TMEM132B: variants seen among roughly 807,000 people sequenced by gnomAD.
The protein encoded by TMEM132B is transmembrane protein 132B.
TMEM132B carries 18 observed loss-of-function variants against 90.8 expected under a neutral mutation model. That is an observed-to-expected ratio of 0.20 (90% confidence interval 0.14 to 0.29). The LOEUF is 0.29. Among genes scored for constraint, TMEM132B ranks in the 10% least tolerant of loss-of-function variants. The pLI, the probability that TMEM132B is intolerant of heterozygous loss-of-function variation, is 1.00. For synonymous variants in TMEM132B, 504 were observed against 523.3 expected, an observed-to-expected ratio of 0.96 and a Z score of 0.50; for missense variants, 1,096 against 1,326.8, an observed-to-expected ratio of 0.83 and a Z score of 2.70.
chr12:125,195,002 C>G (rs1872893457), intron 1 of TMEM132B, among the ~76,000 whole-genome samples: 1 of 152,066 alleles, frequency 6.6e-6, no homozygotes, highest in African/African-American at 2.4e-5. Context: ...TGTTTTTTCT[C>G]AAGAAATTGG....
At chr12:125,559,297 C>T (rs777162060) in intron 4 of TMEM132B, among the ~76,000 whole-genome samples, 13 of 152,210 alleles carry the variant, frequency 8.5e-5, no homozygotes, top group Admixed American at 3.3e-4. Context: ...CCCAGGAAGT[C>T]GAGGCTGCAG....
At chr12:125,483,321 A>G (rs1456445783) in intron 3 of TMEM132B, among the ~76,000 whole-genome samples, 1 of 152,228 alleles carries the variant, frequency 6.6e-6, no homozygotes, top group East Asian at 1.9e-4. Context: ...AAGATTTATT[A>G]GTATTATGCT....
intron 3 of TMEM132B, among the ~76,000 whole-genome samples, chr12:125,501,261 G>T (rs149500969): frequency 1.3e-5 from 2 of 152,322 alleles, no homozygotes; most frequent in African/African-American, 4.8e-5. Flanking sequence ...TTTAGTATAT[G>T]TATGTTCTAT....
At chr12:125,485,966 G>C (rs1404303283) in intron 3 of TMEM132B, among the ~76,000 whole-genome samples, 1 of 152,190 alleles carries the variant, frequency 6.6e-6, no homozygotes, top group Non-Finnish European at 1.5e-5. Flanking sequence ...CTACTGGCAA[G>C]AATGTTGGAA....
At position 125,485,516 on chromosome 12, in the gene TMEM132B, C is replaced by T. The variant is rs117274800; in HGVS notation, c.1107-33923C>T. Reference sequence around the variant, plus strand: ...ACGTCCTTATGACCTTCCTTAGTGCCGGAACTAGGTCTAATTCCTCCTCTA... The same window carrying T: ...ACGTCCTTATGACCTTCCTTAGTGCTGGAACTAGGTCTAATTCCTCCTCTA... On this transcript the variant is annotated intron_variant, in intron 3 of 8. Transcript: ENST00000682704. Among the ~76,000 whole-genome samples, 1,407 of 152,222 alleles carry T rather than the reference C, an allele frequency of 9.2e-3. 12 individuals carry two copies. Among genetic ancestry groups the T allele is most frequent in the Middle Eastern group, 0.014 (4 of 294 alleles).
At chr12:125,639,596 G>A (rs1478818454) in intron 5 of TMEM132B, among the ~76,000 whole-genome samples, 3 of 152,248 alleles carry the variant, frequency 2.0e-5, no homozygotes, top group African/African-American at 7.2e-5. Context: ...CATTAGGAGA[G>A]TGGTAATTAT....
chr12:125,627,869 A>G (rs1431310285), intron 5 of TMEM132B, among the ~76,000 whole-genome samples: 1 of 151,990 alleles, frequency 6.6e-6, no homozygotes, highest in Admixed American at 6.6e-5. Context: ...CGTGAGTTCA[A>G]TTGTTTTGAT....
chr12:125,645,069 A>AT (rs201960447), intron 6 of TMEM132B, among the ~76,000 whole-genome samples: 1 of 151,458 alleles, frequency 6.6e-6, no homozygotes, highest in African/African-American at 2.4e-5. Flanking sequence ...TCCAAAAAAA[A>AT]TAGCTGGGCG....
At chr12:125,248,343 T>C (rs943244584) in intron 1 of TMEM132B, among the ~76,000 whole-genome samples, 1 of 152,204 alleles carries the variant, frequency 6.6e-6, no homozygotes, top group African/African-American at 2.4e-5. Context: ...CTTATTTAAA[T>C]ATCTTAAAGC....
At chr12:125,491,820 T>G (rs763202298) in intron 3 of TMEM132B, among the ~76,000 whole-genome samples, 1 of 152,162 alleles carries the variant, frequency 6.6e-6, no homozygotes, top group Non-Finnish European at 1.5e-5. Context: ...AGCATCAAAG[T>G]GCATCACGTG....
intron 1 of TMEM132B, among the ~76,000 whole-genome samples, chr12:125,315,356 G>A (rs1301607663): frequency 6.6e-6 from 1 of 152,114 alleles, no homozygotes. Context: ...CCACCACCAC[G>A]TCTGGCTGAT....
chr12:125,298,081 C>T (rs1049941623), intron 1 of TMEM132B, among the ~76,000 whole-genome samples: 2 of 152,088 alleles, frequency 1.3e-5, no homozygotes, highest in African/African-American at 2.4e-5. Context: ...AGTGAGGCCA[C>T]CCCATCTCTA....
chr12:125,567,568 C>T (rs1053237555), intron 4 of TMEM132B, among the ~76,000 whole-genome samples: 7 of 152,204 alleles, frequency 4.6e-5, no homozygotes, highest in Non-Finnish European at 1.0e-4. Flanking sequence ...CACCAGTCAG[C>T]TCACAGGAAT....
chr12:125,583,199 C>G (rs1885093529), intron 4 of TMEM132B, among the ~76,000 whole-genome samples: 1 of 152,066 alleles, frequency 6.6e-6, no homozygotes, highest in African/African-American at 2.4e-5. Context: ...CTGAGATAAA[C>G]TATGAACATA....
chr12:125,563,185 A>C (rs934343592), intron 4 of TMEM132B, among the ~76,000 whole-genome samples: 1 of 148,386 alleles, frequency 6.7e-6, no homozygotes, highest in Non-Finnish European at 1.5e-5. Context: ...TAATAATAAT[A>C]ATAAAAGTTT....
At chr12:125,267,638 C>T (rs141446627) in intron 1 of TMEM132B, among the ~76,000 whole-genome samples, 3 of 152,180 alleles carry the variant, frequency 2.0e-5, no homozygotes, top group East Asian at 1.9e-4. Context: ...AACTGAAACT[C>T]GCACTCATGG....
chr12:125,630,511 A>G (rs992962840), intron 5 of TMEM132B, among the ~76,000 whole-genome samples: 5 of 151,846 alleles, frequency 3.3e-5, no homozygotes, highest in Non-Finnish European at 5.9e-5. Flanking sequence ...GCTTTTGTTT[A>G]TTTGGATCTT....
At chr12:125,612,847 AT>A (rs536987232) in intron 5 of TMEM132B, among the ~76,000 whole-genome samples, 70 of 124,902 alleles carry the variant, frequency 5.6e-4, no homozygotes, top group African/African-American at 2.3e-3. Flanking sequence ...TATTATATAT[AT>A]ATTTATATAT....
chr12:125,334,895 C>T (rs115232701), intron 1 of TMEM132B, among the ~76,000 whole-genome samples: 2,727 of 152,324 alleles, frequency 0.018, 85 homozygotes, highest in African/African-American at 0.062. Flanking sequence ...GGCAGCATAG[C>T]GTTAAGCAGA....
Sources: allele counts gnomAD v4.1 joint callset (sites outside exome capture counted in the v4.1 genomes callset), GRCh38; gene constraint gnomAD v4.1.1; transcripts MANE v1.5; gene names NCBI Gene and HGNC (gene_info 2026-07-23, HGNC 2026-07-21).